The following CD47 variants were observed in gnomAD, a reference collection of about 807,000 sequenced individuals.
The protein encoded by CD47 is CD47 molecule, also known as leukocyte surface antigen CD47.
In CD47, 11 loss-of-function variants were observed where a neutral mutation model predicts 44.6. The observed-to-expected ratio is 0.25, with a 90% CI of 0.16 to 0.41. CD47 has a LOEUF of 0.41. Ranked by LOEUF, CD47 falls within the 10% of genes least tolerant of loss-of-function variation. The probability of loss-of-function intolerance (pLI) is 1.00; values close to 1 mark genes in which losing one functional copy is unlikely to be tolerated. For synonymous variants in CD47, 140 were observed against 136.3 expected (o/e 1.03, Z -0.19); for missense variants, 306 against 386.7 (o/e 0.79, Z 1.75).
chr3:108,067,906 C>T (rs749817849), intron 3 of CD47, among the ~76,000 whole-genome samples: 2 of 152,062 alleles, frequency 1.3e-5, no homozygotes, highest in Non-Finnish European at 2.9e-5. Flanking sequence ...ACTCTTTCTC[C>T]TCAGAGTGAG....
At chr3:108,082,432 A>T (rs2079437033) in intron 1 of CD47, among the ~76,000 whole-genome samples, 2 of 152,044 alleles carry the variant, frequency 1.3e-5, no homozygotes, top group Non-Finnish European at 2.9e-5. Context: ...TGCATTTATT[A>T]GCAAATTCAT....
chr3:108,088,291 C>T (rs150256885), intron 1 of CD47, among the ~76,000 whole-genome samples: 1 of 152,118 alleles, frequency 6.6e-6, no homozygotes, highest in Non-Finnish European at 1.5e-5. Context: ...GGGGGAAAGT[C>T]ATCTATCTCT....
intron 3 of CD47, among the ~76,000 whole-genome samples, chr3:108,066,719 T>C (rs2079110904): frequency 6.6e-6 from 1 of 152,050 alleles, no homozygotes; most frequent in Non-Finnish European, 1.5e-5. Flanking sequence ...GGAGTGAAAT[T>C]TGAATAGACC....
Position 108,089,709 on chromosome 3 carries a change from A to G in CD47, c.46+1154T>C, listed in dbSNP as rs575935432. Among the ~76,000 whole-genome samples the G allele has an allele frequency of 2.6e-5, 4 of 152,308 alleles. No individual in the cohort carries two copies. The East Asian group carries it at 7.7e-4, about 29-fold the overall frequency. The stretch of plus-strand genomic sequence containing the variant: ...GGGGAGGGAGGAAAGTGGTAAGCAG[A>G]GACTTAAGGGCATCTTGGAAATACC... On this transcript the variant is annotated intron_variant, in intron 1 of 10. Transcript: ENST00000361309.
intron 1 of CD47, among the ~76,000 whole-genome samples, chr3:108,082,284 T>C (rs2079434771): frequency 6.6e-6 from 1 of 151,972 alleles, no homozygotes; most frequent in Non-Finnish European, 1.5e-5. Context: ...TCATAAGTTG[T>C]AGAAAACTGA....
chr3:108,063,015 G>C (rs1186092504), intron 3 of CD47, among the ~76,000 whole-genome samples: 2 of 151,862 alleles, frequency 1.3e-5, no homozygotes, highest in Non-Finnish European at 2.9e-5. Context: ...TCCTCTTAAG[G>C]CTTAGAAGAG....
At chr3:108,058,285 G>T in intron 6 of CD47, 52 bp downstream of exon 6, 2 of 959,482 alleles carry the variant, frequency 2.1e-6, no homozygotes, top group East Asian at 3.0e-5. Context: ...AAAGGAAGAA[G>T]AGCTCTGTCC....
chr3:108,055,248 C>T (rs1052177902), intron 7 of CD47, among the ~76,000 whole-genome samples: 1 of 152,178 alleles, frequency 6.6e-6, no homozygotes, highest in African/African-American at 2.4e-5. Flanking sequence ...ACATTAACTT[C>T]TTCTTGAAGA....
chr3:108,077,911 G>A (rs2108263201), intron 2 of CD47, among the ~76,000 whole-genome samples: 1 of 152,164 alleles, frequency 6.6e-6, no homozygotes, highest in South Asian at 2.1e-4. Flanking sequence ...GTGGGAGGTG[G>A]CGGTATGACT....
At chr3:108,083,360 A>G (rs2079453745) in intron 1 of CD47, among the ~76,000 whole-genome samples, 1 of 152,052 alleles carries the variant, frequency 6.6e-6, no homozygotes, top group Admixed American at 6.6e-5. Flanking sequence ...GGCAGAGAAG[A>G]CTCAATCCAT....
intron 3 of CD47, among the ~76,000 whole-genome samples, chr3:108,068,315 G>C (rs2079138936): frequency 6.6e-6 from 1 of 152,124 alleles, no homozygotes; most frequent in South Asian, 2.1e-4. Flanking sequence ...ATACATTCGT[G>C]TCTCCCTGGC....
At chr3:108,052,710 T>TC (rs2078849011) in intron 7 of CD47, 1 of 152,314 alleles carries the variant, frequency 6.6e-6, no homozygotes. Flanking sequence ...ATCCCAGCAC[T>TC]TTGGGAGGCC....
intron 6 of CD47, among the ~76,000 whole-genome samples, chr3:108,057,789 T>A (rs1199659564): frequency 6.6e-6 from 1 of 152,162 alleles, no homozygotes; most frequent in Admixed American, 6.5e-5. Context: ...AAATGGGAAC[T>A]GGTGTTTCAA....
chr3:108,058,305 C>T (rs1215804377), intron 6 of CD47, 32 bp downstream of exon 6: 2 of 1,295,246 alleles, frequency 1.5e-6, no homozygotes, highest in East Asian at 2.7e-5. Flanking sequence ...CAAAAGTAAC[C>T]CAAATTAGGT....
intron 7 of CD47, chr3:108,053,144 G>C (rs980858888): frequency 2.0e-5 from 3 of 152,332 alleles, no homozygotes; most frequent in Admixed American, 2.0e-4. Flanking sequence ...CTCATCAGCA[G>C]ATGGAGGCAC....
At chr3:108,086,904 G>A (rs529927113) in intron 1 of CD47, among the ~76,000 whole-genome samples, 11 of 152,258 alleles carry the variant, frequency 7.2e-5, no homozygotes, top group Admixed American at 2.6e-4. Context: ...TTGTCCTTTC[G>A]TTGGAAAAGT....
intron 5 of CD47, 56 bp downstream of exon 5, chr3:108,059,393 ACTG>A (rs1270400477): frequency 3.8e-6 from 3 of 798,806 alleles, no homozygotes; most frequent in Non-Finnish European, 5.9e-6. Flanking sequence ...TTTCACCAAA[ACTG>A]CTGTTTTGTA....
At chr3:108,051,759 T>C in intron 8 of CD47, 180 bp downstream of exon 8, 1 of 688,468 alleles carries the variant, frequency 1.5e-6, no homozygotes, top group Non-Finnish European at 2.8e-6. Context: ...GACACTAAAA[T>C]GACCAAACAC....
intron 2 of CD47, among the ~76,000 whole-genome samples, chr3:108,077,862 G>C (rs1432493141): frequency 6.6e-6 from 1 of 152,080 alleles, no homozygotes; most frequent in Non-Finnish European, 1.5e-5. Flanking sequence ...CAAAATTATA[G>C]ATATGGAGGA....
Sources: allele counts gnomAD v4.1 joint callset (sites outside exome capture counted in the v4.1 genomes callset), GRCh38; gene constraint gnomAD v4.1.1; transcripts MANE v1.5; gene names NCBI Gene and HGNC (gene_info 2026-07-23, HGNC 2026-07-21).